Variants in CIMIP1 observed in about 807,000 individuals in gnomAD.
The protein encoded by CIMIP1 is low in lung cancer 1.
At chr20:58,155,578 C>A in the CIMIP1 span, 1 of 1,604,938 alleles carries the variant, frequency 6.2e-7, no homozygotes, top group Non-Finnish European at 8.5e-7. Context: ...AGGTTTGAAA[C>A]GTTTTTAAAT....
At chr20:58,155,057 C>T in the CIMIP1 span, among the ~76,000 whole-genome samples, 1 of 152,226 alleles carries the variant, frequency 6.6e-6, no homozygotes, top group East Asian at 1.9e-4. Context: ...CCTCCCACCT[C>T]GGCCTCCCAA....
chr20:58,151,157 C>T, the CIMIP1 span: 11 of 881,820 alleles, frequency 1.2e-5, no homozygotes, highest in East Asian at 5.4e-5. Context: ...GGCAGAGGGG[C>T]GTGCGCTGAG....
chr20:58,151,831 C>G, the CIMIP1 span, among the ~76,000 whole-genome samples: 83,041 of 152,028 alleles, frequency 0.55, 23,362 homozygotes, highest in East Asian at 0.97. Context: ...TTTAAAGATA[C>G]ATCCATTTTC....
the CIMIP1 span, among the ~76,000 whole-genome samples, chr20:58,159,893 C>T: frequency 6.6e-6 from 1 of 152,222 alleles, no homozygotes; most frequent in East Asian, 1.9e-4. Context: ...GCAGCCAGCC[C>T]ACTCGGGACC....
At chr20:58,155,396 C>T in the CIMIP1 span, 1 of 1,288,254 alleles carries the variant, frequency 7.8e-7, no homozygotes, top group African/African-American at 1.5e-5. Flanking sequence ...CTTCCCGTCT[C>T]TGGGGATTCT....
chr20:58,153,366 G>A, the CIMIP1 span, among the ~76,000 whole-genome samples: 7 of 152,288 alleles, frequency 4.6e-5, no homozygotes, highest in African/African-American at 1.2e-4. Context: ...TTAGCCACGT[G>A]TCTCCCTTGC....
chr20:58,160,597 C>T, the CIMIP1 span: 24 of 1,531,700 alleles, frequency 1.6e-5, no homozygotes, highest in Admixed American at 1.3e-4. Context: ...CCTCACATGC[C>T]GATGCTGGGT....
At chr20:58,152,585 G>T in the CIMIP1 span, among the ~76,000 whole-genome samples, 1 of 151,860 alleles carries the variant, frequency 6.6e-6, no homozygotes. Flanking sequence ...ATCCAGGCAT[G>T]GTGGCACACA....
At chr20:58,159,157 AAG>A in the CIMIP1 span, among the ~76,000 whole-genome samples, 5 of 151,034 alleles carry the variant, frequency 3.3e-5, no homozygotes, top group African/African-American at 1.2e-4. Flanking sequence ...TGTTAGGTCA[AAG>A]AGTGTTTGCA....
chr20:58,155,021 G>C, the CIMIP1 span, among the ~76,000 whole-genome samples: 1 of 152,200 alleles, frequency 6.6e-6, no homozygotes, highest in African/African-American at 2.4e-5. Flanking sequence ...GCCCAGGCTG[G>C]TCTTGAACTC....
the CIMIP1 span, among the ~76,000 whole-genome samples, chr20:58,160,330 A>G: frequency 6.6e-6 from 1 of 152,232 alleles, no homozygotes; most frequent in Non-Finnish European, 1.5e-5. Context: ...ACAGTGCCAT[A>G]TATTTTATAA....
chr20:58,153,515 G>T, the CIMIP1 span: 2 of 1,588,140 alleles, frequency 1.3e-6, no homozygotes, highest in Non-Finnish European at 1.7e-6. Flanking sequence ...TTTCCGTGTT[G>T]CCCAGCACTC....
chr20:58,155,333 T>C, the CIMIP1 span: 3 of 641,484 alleles, frequency 4.7e-6, no homozygotes, highest in South Asian at 2.0e-5. Context: ...GTCTATAAAA[T>C]GCGCCTTCTA....
chr20:58,156,205 T>C, the CIMIP1 span, among the ~76,000 whole-genome samples: 1 of 152,042 alleles, frequency 6.6e-6, no homozygotes, highest in Non-Finnish European at 1.5e-5. Flanking sequence ...TCAACACCAT[T>C]TGGATACGCT....
chr20:58,155,565 T>C, the CIMIP1 span: 1 of 1,612,788 alleles, frequency 6.2e-7, no homozygotes, highest in Non-Finnish European at 8.5e-7. Flanking sequence ...GAGAAGTACA[T>C]CAAGGTTTGA....
chr20:58,158,175 A>C, the CIMIP1 span, among the ~76,000 whole-genome samples: 1 of 152,318 alleles, frequency 6.6e-6, no homozygotes, highest in South Asian at 2.1e-4. Context: ...TCCAGGCACC[A>C]GAACATACCA....
the CIMIP1 span, among the ~76,000 whole-genome samples, chr20:58,159,898 G>A: frequency 0.013 from 1,977 of 152,222 alleles, 39 homozygotes; most frequent in African/African-American, 0.043. Context: ...CAGCCCACTC[G>A]GGACCATCCC....
At chr20:58,154,912 T>A in the CIMIP1 span, among the ~76,000 whole-genome samples, 1 of 152,208 alleles carries the variant, frequency 6.6e-6, no homozygotes, top group Admixed American at 6.5e-5. Context: ...GCTGAAGCCA[T>A]CCTGTCACCT....
chr20:58,156,347 G>T, the CIMIP1 span, among the ~76,000 whole-genome samples: 1 of 152,180 alleles, frequency 6.6e-6, no homozygotes, highest in Non-Finnish European at 1.5e-5. Context: ...AAGTATTCTA[G>T]GCGCAGGGAA....
Sources: gnomAD v4.1 joint callset for allele counts (sites outside exome capture counted in the v4.1 genomes callset) on GRCh38, gnomAD v4.1.1 for gene constraint, MANE v1.5 for transcripts, NCBI Gene and HGNC (gene_info 2026-07-23, HGNC 2026-07-21) for gene names.